Variants in MARCHF1 observed in about 807,000 individuals in gnomAD.
MARCHF1 encodes the protein E3 ubiquitin-protein ligase MARCHF1.
In MARCHF1, 40 loss-of-function variants were observed where a neutral mutation model predicts 54.2. The ratio of observed to expected loss-of-function variants is 0.74; its 90% confidence interval spans 0.57 to 0.96. MARCHF1 has a LOEUF of 0.96. Among genes scored for constraint, MARCHF1 ranks in the 40% least tolerant of loss-of-function variants. The probability of loss-of-function intolerance (pLI) is 0.00; values close to 1 mark genes in which losing one functional copy is unlikely to be tolerated. For synonymous variants in MARCHF1, 236 were observed against 236.3 expected, an observed-to-expected ratio of 1.00 and a Z score of 0.01; for missense variants, 586 against 656.5, an observed-to-expected ratio of 0.89 and a Z score of 1.17.
intron 4 of MARCHF1, among the ~76,000 whole-genome samples, chr4:163,764,777 T>G (rs941519096): frequency 2.0e-5 from 3 of 152,016 alleles, no homozygotes; most frequent in African/African-American, 7.2e-5. Context: ...CCCACTTCAG[T>G]TATTGAGGGT....
At position 164,227,257 on chromosome 4, in the gene MARCHF1, A is replaced by G. The variant is rs1027498707; in HGVS notation, c.-322-115595T>C. 3.3e-5 allele frequency among the ~76,000 whole-genome samples: 5 copies of G among 152,246 alleles called. No homozygotes were observed. In the East Asian group the frequency reaches 9.7e-4, roughly 29 times the overall value. ...CAGGAGAAAGAATGAGTTCAAGCAGAGGAAATGCCAGACATTTATAAAACC... is the reference window on the plus strand; with the variant it reads ...CAGGAGAAAGAATGAGTTCAAGCAGGGGAAATGCCAGACATTTATAAAACC... On this transcript the variant is annotated intron_variant, in intron 1 of 9. Coordinates refer to ENST00000514618, the MANE Select transcript of MARCHF1 (RefSeq NM_001394959.1).
At chr4:163,828,607 T>C (rs1003481641) in intron 4 of MARCHF1, among the ~76,000 whole-genome samples, 13 of 152,128 alleles carry the variant, frequency 8.5e-5, no homozygotes, top group African/African-American at 2.7e-4. Flanking sequence ...ACATTAAAAA[T>C]AGAAATAAAT....
intron 1 of MARCHF1, among the ~76,000 whole-genome samples, chr4:164,291,867 A>G (rs545279921): frequency 1.3e-5 from 2 of 152,124 alleles, no homozygotes; most frequent in East Asian, 3.9e-4. Context: ...TTCCTTAATG[A>G]CTCAGAGGTG....
At chr4:163,679,381 T>G (rs1744022192) in intron 5 of MARCHF1, among the ~76,000 whole-genome samples, 1 of 152,170 alleles carries the variant, frequency 6.6e-6, no homozygotes, top group Admixed American at 6.5e-5. Context: ...CACTTAACGC[T>G]TTTTTAGCAG....
intron 5 of MARCHF1, among the ~76,000 whole-genome samples, chr4:163,635,781 C>G (rs1460678617): frequency 3.9e-5 from 6 of 152,208 alleles, no homozygotes; most frequent in East Asian, 3.9e-4. Flanking sequence ...GCCAGGCAGA[C>G]ACACAACCAA....
intron 4 of MARCHF1, among the ~76,000 whole-genome samples, chr4:163,821,624 TTTAA>T (rs1176078940): frequency 2.0e-5 from 3 of 152,040 alleles, no homozygotes; most frequent in African/African-American, 7.2e-5. Flanking sequence ...AAGTGACTGC[TTTAA>T]TTAGTTTTTA....
Position 163,690,210 on chromosome 4 carries a change from C to G in MARCHF1, c.162+10603G>C, listed in dbSNP as rs558209404. On this transcript the variant is annotated intron_variant, in intron 5 of 9. Coordinates refer to ENST00000514618, the MANE Select transcript of MARCHF1 (RefSeq NM_001394959.1). ...GCCTCATTTCTGAATTTCAACCCCA[C>G]AAATGTAGTTTTTCAACAAAAATAT... Among the ~76,000 whole-genome samples the G allele has an allele frequency of 2.0e-5, 3 of 152,314 alleles. No homozygotes were observed. In the South Asian group the frequency reaches 6.2e-4, roughly 32 times the overall value.
intron 1 of MARCHF1, among the ~76,000 whole-genome samples, chr4:164,308,479 C>A (rs928323323): frequency 8.0e-5 from 12 of 150,422 alleles, no homozygotes; most frequent in Admixed American, 2.0e-4. Context: ...CTTTTTTTTT[C>A]CATCAGTAAG....
Position 164,091,410 on chromosome 4 carries a change from T to TTTATATA in MARCHF1, c.-248+20177_-248+20178insTATATAA, listed in dbSNP as rs145149996. 2.8e-3 allele frequency among the ~76,000 whole-genome samples: 386 copies of TTTATATA among 136,912 alleles called. 3 individuals carry two copies. Among genetic ancestry groups the TTTATATA allele is most frequent in the African/African-American group, 9.8e-3 (362 of 36,756 alleles). 89.8% of individuals were successfully genotyped at this position (136,912 alleles called of 152,430 possible). On this transcript the variant is annotated intron_variant, in intron 2 of 9. Coordinates refer to ENST00000514618, the MANE Select transcript of MARCHF1 (RefSeq NM_001394959.1). ...AACAGGGGATAATTTTCACCAAGTTTTATATATATATATATATATGTATAA... is the reference window on the plus strand; with the variant it reads ...AACAGGGGATAATTTTCACCAAGTTTTTATATATATATATATATATATATATGTATAA...
At chr4:163,581,524 A>C (rs939069191) in intron 8 of MARCHF1, among the ~76,000 whole-genome samples, 1 of 152,194 alleles carries the variant, frequency 6.6e-6, no homozygotes, top group African/African-American at 2.4e-5. Flanking sequence ...TAATGATAAG[A>C]CATCCGGATC....
intron 3 of MARCHF1, among the ~76,000 whole-genome samples, chr4:163,956,026 G>GA (rs1463929279): frequency 6.6e-6 from 1 of 151,718 alleles, no homozygotes; most frequent in Non-Finnish European, 1.5e-5. Flanking sequence ...TGGAATCCAA[G>GA]AAAAAAAGGT....
chr4:164,343,819 G>A (rs190705512), intron 1 of MARCHF1, among the ~76,000 whole-genome samples: 1 of 152,240 alleles, frequency 6.6e-6, no homozygotes, highest in Non-Finnish European at 1.5e-5. Context: ...GCAGCGTGGT[G>A]ATTTCTCAAA....
intron 4 of MARCHF1, among the ~76,000 whole-genome samples, chr4:163,842,936 C>T (rs1242104967): frequency 6.6e-6 from 1 of 151,544 alleles, no homozygotes; most frequent in Non-Finnish European, 1.5e-5. Context: ...GTCGTTGATG[C>T]GTGGTGTAAG....
chr4:164,115,292 G>A (rs1410282820), intron 1 of MARCHF1, among the ~76,000 whole-genome samples: 1 of 152,030 alleles, frequency 6.6e-6, no homozygotes, highest in African/African-American at 2.4e-5. Flanking sequence ...AGCAATCACA[G>A]TGTTAGATAT....
At chr4:163,973,098 A>G (rs1220394919) in intron 3 of MARCHF1, among the ~76,000 whole-genome samples, 1 of 152,232 alleles carries the variant, frequency 6.6e-6, no homozygotes, top group Non-Finnish European at 1.5e-5. Flanking sequence ...AACTTCTTCA[A>G]AGACTATCAG....
chr4:164,062,903 GC>G (rs1294089983), intron 2 of MARCHF1, among the ~76,000 whole-genome samples: 1 of 152,164 alleles, frequency 6.6e-6, no homozygotes, highest in Non-Finnish European at 1.5e-5. Flanking sequence ...TGTTATGTTA[GC>G]AGCCATAAAA....
At chr4:164,172,093 C>A (rs1730540975) in intron 1 of MARCHF1, among the ~76,000 whole-genome samples, 1 of 152,092 alleles carries the variant, frequency 6.6e-6, no homozygotes, top group East Asian at 1.9e-4. Context: ...GTCTATTTAC[C>A]CATCCTCAGA....
chr4:164,299,242 C>A (rs1734488974), intron 1 of MARCHF1, among the ~76,000 whole-genome samples: 1 of 152,050 alleles, frequency 6.6e-6, no homozygotes, highest in South Asian at 2.1e-4. Context: ...ATTAAAATGG[C>A]CTCCTAGACT....
intron 1 of MARCHF1, among the ~76,000 whole-genome samples, chr4:164,251,719 C>T (rs1733134205): frequency 6.6e-6 from 1 of 152,142 alleles, no homozygotes; most frequent in Non-Finnish European, 1.5e-5. Context: ...TTCTTCATTG[C>T]CTTATTAACC....
Sources: allele counts gnomAD v4.1 joint callset (sites outside exome capture counted in the v4.1 genomes callset), GRCh38; gene constraint gnomAD v4.1.1; transcripts MANE v1.5; gene names NCBI Gene and HGNC (gene_info 2026-07-23, HGNC 2026-07-21).